NDUFB1: variants seen among roughly 807,000 people sequenced by gnomAD.
NDUFB1 encodes the protein NADH dehydrogenase [ubiquinone] 1 beta subcomplex subunit 1.
In NDUFB1, 6 loss-of-function variants were observed where a neutral mutation model predicts 6.7. The observed-to-expected ratio is 0.89, with a 90% confidence interval of 0.49 to 1.76. NDUFB1 has a LOEUF of 1.76. NDUFB1 is among the 40% of genes most tolerant of loss of function. The probability of loss-of-function intolerance (pLI) is 0.01; values close to 1 mark genes in which losing one functional copy is unlikely to be tolerated. For synonymous variants in NDUFB1, 17 were observed against 22.9 expected, an observed-to-expected ratio of 0.74 and a Z score of 0.74; for missense variants, 56 against 71.0, an observed-to-expected ratio of 0.79 and a Z score of 0.76.
At position 92,119,693 on chromosome 14, in the gene NDUFB1, C is replaced by T. The variant is rs74071895; in HGVS notation, c.-6+1949G>A. On this transcript the variant is annotated intron_variant, in intron 1 of 2. Coordinates refer to ENST00000605997, the MANE Select transcript of NDUFB1 (RefSeq NM_004545.4). The stretch of plus-strand genomic sequence containing the variant: ...TAATGAGCTATCTTGGGGATAGGAC[C>T]GAATTAAAACATAAAATTCATTTGT... 6.2e-3 allele frequency among the ~76,000 whole-genome samples: 935 copies of T among 152,006 alleles called. 9 individuals carry two copies. The highest frequency in any genetic ancestry group is 0.022 in the African/African-American group (893 of 41,454).
chr14:92,116,988 T>C (rs941807400), intron 2 of NDUFB1, among the ~76,000 whole-genome samples: 4 of 152,234 alleles, frequency 2.6e-5, no homozygotes, highest in Admixed American at 2.6e-4. Flanking sequence ...CCTGTCTTGC[T>C]AACTGGAACT....
chr14:92,120,219 C>A (rs531176692), intron 1 of NDUFB1: 13 of 152,282 alleles, frequency 8.5e-5, no homozygotes, highest in African/African-American at 3.1e-4. Flanking sequence ...CATATGACAA[C>A]ATCCTAGAAA....
chr14:92,117,870 C>T (rs1042140200), intron 1 of NDUFB1: 3 of 477,852 alleles, frequency 6.3e-6, no homozygotes, highest in African/African-American at 3.9e-5. Context: ...TGGTGGTGCG[C>T]GTCTGTTATC....
chr14:92,119,163 T>C (rs2068736158), intron 1 of NDUFB1, among the ~76,000 whole-genome samples: 1 of 151,724 alleles, frequency 6.6e-6, no homozygotes, highest in Admixed American at 6.6e-5. Flanking sequence ...AATCAAAAAA[T>C]TAGCTGGGTG....
In NDUFB1 at chr14:92,116,215, C is replaced by T. The variant is rs2068715892; in HGVS notation, c.155G>A (p.Ser52Asn). 6.2e-7 allele frequency: 1 copy of T among 1,612,724 alleles called. No homozygotes were observed. Among genetic ancestry groups the T allele is most frequent in the Non-Finnish European group, 8.5e-7 (1 of 1,179,588 alleles). Residue 52 changes from serine (S) to asparagine (N), a missense_variant, in exon 3 of 3, where the codon AGT (serine) becomes AAT (asparagine). Ser to Asn is a conservative substitution (Grantham distance 46). Transcript: ENST00000605997. ...TCTTTACTTCCAGGTAACTTCTTCACTGGGTTGCAATTCCCTGTGTGGAAA... is the reference window on the plus strand; with the variant it reads ...TCTTTACTTCCAGGTAACTTCTTCATTGGGTTGCAATTCCCTGTGTGGAAA... Reference protein sequence around the residue: ...SMLFKRELQPSEEVTWK With the variant: ...SMLFKRELQPNEEVTWK
chr14:92,117,253 A>T (rs1020572682), intron 2 of NDUFB1, among the ~76,000 whole-genome samples: 1 of 152,224 alleles, frequency 6.6e-6, no homozygotes, highest in Non-Finnish European at 1.5e-5. Context: ...ATGCACTTTG[A>T]ATTAAAAAAA....
intron 1 of NDUFB1, 105 bp downstream of exon 1, chr14:92,121,537 A>C (rs2068763801): frequency 6.6e-7 from 1 of 1,520,496 alleles, no homozygotes. Flanking sequence ...GGAAGCCCAG[A>C]CCACCCCTCC....
chr14:92,119,256 G>A (rs895314875), intron 1 of NDUFB1, among the ~76,000 whole-genome samples: 1 of 149,558 alleles, frequency 6.7e-6, no homozygotes, highest in African/African-American at 2.5e-5. Flanking sequence ...AGGTTGCAAT[G>A]ACCTGAGATC....
intron 1 of NDUFB1, chr14:92,119,083 G>A (rs1400044122): frequency 1.0e-5 from 2 of 196,538 alleles, no homozygotes; most frequent in South Asian, 5.9e-5. Context: ...AGACTAAGGC[G>A]GATGGATCGC....
chr14:92,121,544 C>G (rs2068763959), intron 1 of NDUFB1, 98 bp downstream of exon 1: 50 of 1,563,320 alleles, frequency 3.2e-5, no homozygotes, highest in Non-Finnish European at 4.4e-5. Context: ...CAGACCACCC[C>G]TCCACACATG....
At chr14:92,118,861 T>TAGTCCCAGC in intron 1 of NDUFB1, 1 of 218,086 alleles carries the variant, frequency 4.6e-6, no homozygotes, top group Non-Finnish European at 9.5e-6. Flanking sequence ...GTAGTCCCAG[T>TAGTCCCAGC]TACTCAGGAG....
chr14:92,116,409 C>A (rs2068718276), intron 2 of NDUFB1, among the ~76,000 whole-genome samples, 180 bp from the exon 3 acceptor site: 1 of 145,746 alleles, frequency 6.9e-6, no homozygotes, highest in African/African-American at 2.6e-5. Flanking sequence ...TCTTGGCTCA[C>A]TGCAAACTCC....
intron 2 of NDUFB1, among the ~76,000 whole-genome samples, chr14:92,117,250 T>C (rs563555830): frequency 6.6e-6 from 1 of 152,302 alleles, no homozygotes; most frequent in African/African-American, 2.4e-5. Context: ...AAAATGCACT[T>C]TGAATTAAAA....
chr14:92,116,280 T>C, intron 2 of NDUFB1, 51 bp from the exon 3 acceptor site: 1 of 1,453,098 alleles, frequency 6.9e-7, no homozygotes, highest in Non-Finnish European at 9.6e-7. Context: ...AATAAAACTG[T>C]GATACGAGAT....
chr14:92,119,311 CAAAA>C (rs10649810), intron 1 of NDUFB1, among the ~76,000 whole-genome samples: 1 of 137,368 alleles, frequency 7.3e-6, no homozygotes, highest in Admixed American at 7.3e-5. Flanking sequence ...GATGCTGTCT[CAAAA>C]AAAAAAAAAA....
At chr14:92,116,320 TATTTC>T in intron 2 of NDUFB1, 91 bp from the exon 3 acceptor site, 1 of 935,694 alleles carries the variant, frequency 1.1e-6, no homozygotes, top group Non-Finnish European at 1.6e-6. Context: ...ATGATTGCAA[TATTTC>T]ATTTTCTTTT....
intron 1 of NDUFB1, chr14:92,118,647 G>A (rs1198535795): frequency 6.6e-6 from 1 of 152,178 alleles, no homozygotes; most frequent in Non-Finnish European, 1.5e-5. Flanking sequence ...ATTCAATAAT[G>A]TCACTGTAGA....
At chr14:92,116,336 T>C (rs12050222) in intron 2 of NDUFB1, 107 bp from the exon 3 acceptor site, 122,936 of 838,198 alleles carry the variant, frequency 0.15, 4,560 homozygotes, top group East Asian at 0.37. Flanking sequence ...ATTTTCTTTT[T>C]TTTTTTTTTT....
chr14:92,118,752 GACA>G lies in NDUFB1; in HGVS notation c.-5-1113_-5-1111del, dbSNP rs1216016973. ...CTTTGGGAGGCTGAGGCGGGTGGAC[GACA>G]ACAAGGTCAGGAGTTCGAGACCAGC... On this transcript the variant is annotated intron_variant, in intron 1 of 2. Coordinates refer to ENST00000605997, the MANE Select transcript of NDUFB1 (RefSeq NM_004545.4). 13 of 157,878 alleles carry G rather than the reference GACA, an allele frequency of 8.2e-5. 1 individual carries two copies. The highest frequency in any genetic ancestry group is 3.9e-4 in the East Asian group (2 of 5,164). The allele number at this position is 157,878 out of a possible 1,614,324, so 9.8% of individuals were successfully genotyped here. A position where few individuals can be genotyped will look rare whatever the true frequency, so the allele number is the denominator to read the frequency against.
Sources: gnomAD v4.1 joint callset for allele counts (sites outside exome capture counted in the v4.1 genomes callset) on GRCh38, gnomAD v4.1.1 for gene constraint, MANE v1.5 for transcripts, NCBI Gene and HGNC (gene_info 2026-07-23, HGNC 2026-07-21) for gene names.